CHSY3: variants seen among roughly 807,000 people sequenced by gnomAD.
CHSY3 encodes chondroitin sulfate synthase 3, also known as N-acetylgalactosaminyl-proteoglycan 3-beta-glucuronosyltransferase 3.
In CHSY3, 35 loss-of-function variants were observed where a neutral mutation model predicts 67.2. That is an observed-to-expected ratio of 0.52 (90% CI 0.40 to 0.69). The LOEUF is 0.69. Ranked by LOEUF, CHSY3 falls within the 30% of genes least tolerant of loss-of-function variation. The probability of loss-of-function intolerance (pLI) is 0.00; values close to 1 mark genes in which losing one functional copy is unlikely to be tolerated. For missense variants in CHSY3, 1,069 were observed against 1,138.5 expected, an observed-to-expected ratio of 0.94 and a Z score of 0.88; for synonymous variants, 474 against 434.7, an observed-to-expected ratio of 1.09 and a Z score of -1.12.
intron 2 of CHSY3, among the ~76,000 whole-genome samples, chr5:129,911,048 G>A (rs1425658538): frequency 6.7e-6 from 1 of 149,090 alleles, no homozygotes; most frequent in African/African-American, 2.5e-5. Flanking sequence ...CTGTTAAGGT[G>A]GCATGTTCAT....
intron 2 of CHSY3, among the ~76,000 whole-genome samples, chr5:129,924,461 C>T (rs558828675): frequency 6.6e-6 from 1 of 151,976 alleles, no homozygotes; most frequent in East Asian, 1.9e-4. Context: ...TCCTGGCCAA[C>T]ATGATGAAAC....
chr5:130,139,636 C>G (rs944494945), intron 2 of CHSY3, among the ~76,000 whole-genome samples: 1 of 152,142 alleles, frequency 6.6e-6, no homozygotes, highest in Non-Finnish European at 1.5e-5. Context: ...CAAAACCATA[C>G]AGTTCCACTC....
At chr5:130,112,033 G>C (rs1767606519) in intron 2 of CHSY3, among the ~76,000 whole-genome samples, 1 of 152,016 alleles carries the variant, frequency 6.6e-6, no homozygotes, top group African/African-American at 2.4e-5. Flanking sequence ...TTGATAAGGG[G>C]CTGAGCCTCA....
At chr5:129,967,164 T>G in intron 2 of CHSY3, among the ~76,000 whole-genome samples, 1 of 151,808 alleles carries the variant, frequency 6.6e-6, no homozygotes, top group East Asian at 1.9e-4. Flanking sequence ...TCTCATAGAC[T>G]CTGTAGTTTA....
chr5:130,167,666 C>T (rs1321193171), intron 2 of CHSY3, among the ~76,000 whole-genome samples: 4 of 152,062 alleles, frequency 2.6e-5, no homozygotes, highest in African/African-American at 9.7e-5. Context: ...ATATATAATA[C>T]AATCTTAAAA....
intron 2 of CHSY3, among the ~76,000 whole-genome samples, chr5:130,031,164 A>G (rs1764695141): frequency 6.6e-6 from 1 of 152,030 alleles, no homozygotes; most frequent in African/African-American, 2.4e-5. Flanking sequence ...AGTTAAAAAA[A>G]GATGAAGACT....
intron 2 of CHSY3, among the ~76,000 whole-genome samples, chr5:129,980,762 G>A (rs541056976): frequency 6.6e-6 from 1 of 152,104 alleles, no homozygotes; most frequent in South Asian, 2.1e-4. Context: ...GTTTTACATG[G>A]AATTCTAGGA....
Position 130,152,146 on chromosome 5 carries a change from C to T in CHSY3, c.1087-32083C>T, listed in dbSNP as rs186596134. On this transcript the variant is annotated intron_variant, in intron 2 of 2. Coordinates refer to ENST00000305031, the MANE Select transcript of CHSY3 (RefSeq NM_175856.5). Reference sequence around the variant, plus strand: ...TCTGAAAATCTGCATTTTTGACAAGCACCCCAGCTGCATCTTCACATGAAA... The same window carrying T: ...TCTGAAAATCTGCATTTTTGACAAGTACCCCAGCTGCATCTTCACATGAAA... Among the ~76,000 whole-genome samples, 5 of 152,294 alleles carry T rather than the reference C, an allele frequency of 3.3e-5. No individual in the cohort carries two copies. The East Asian group carries it at 9.7e-4, about 29-fold the overall frequency.
intron 2 of CHSY3, among the ~76,000 whole-genome samples, chr5:129,932,080 A>G (rs1422491444): frequency 3.4e-5 from 5 of 148,188 alleles, no homozygotes; most frequent in African/African-American, 1.2e-4. Context: ...CAATAAAACC[A>G]TATGTAATGT....
At chr5:130,097,775 G>A (rs866008152) in intron 2 of CHSY3, among the ~76,000 whole-genome samples, 2 of 152,272 alleles carry the variant, frequency 1.3e-5, no homozygotes, top group African/African-American at 4.8e-5. Context: ...AGGCCGAGGC[G>A]GGCGGATCAC....
intron 2 of CHSY3, among the ~76,000 whole-genome samples, chr5:130,060,898 A>G (rs1360009411): frequency 6.6e-6 from 1 of 151,930 alleles, no homozygotes; most frequent in Non-Finnish European, 1.5e-5. Flanking sequence ...ACAAACACTG[A>G]TGAAAGAAAT....
intron 2 of CHSY3, among the ~76,000 whole-genome samples, chr5:129,940,398 C>T (rs1444849105): frequency 6.6e-6 from 1 of 151,952 alleles, no homozygotes; most frequent in South Asian, 2.1e-4. Context: ...TAAAGTTTTT[C>T]AAAAGAGTAA....
chr5:130,138,800 A>C (rs760425308), intron 2 of CHSY3, among the ~76,000 whole-genome samples: 2 of 152,216 alleles, frequency 1.3e-5, no homozygotes, highest in Non-Finnish European at 2.9e-5. Flanking sequence ...ATACTGTTCC[A>C]GTAGGTTGGA....
chr5:130,114,794 A>G (rs1045426432), intron 2 of CHSY3, among the ~76,000 whole-genome samples: 3 of 152,118 alleles, frequency 2.0e-5, no homozygotes, highest in African/African-American at 7.2e-5. Flanking sequence ...TCAGTTTAGG[A>G]CGTCATCTGG....
At chr5:130,119,271 T>A (rs1460927398) in intron 2 of CHSY3, among the ~76,000 whole-genome samples, 2 of 152,186 alleles carry the variant, frequency 1.3e-5, no homozygotes, top group East Asian at 3.9e-4. Flanking sequence ...TGCCTTTCTA[T>A]GCAGTTCAGC....
intron 2 of CHSY3, among the ~76,000 whole-genome samples, chr5:129,956,415 C>A (rs1355564100): frequency 6.6e-6 from 1 of 151,884 alleles, no homozygotes; most frequent in South Asian, 2.1e-4. Flanking sequence ...TGGTTTTTCT[C>A]TTATAAATTT....
intron 2 of CHSY3, among the ~76,000 whole-genome samples, chr5:129,938,268 C>T (rs1056488697): frequency 2.6e-5 from 4 of 152,228 alleles, no homozygotes; most frequent in East Asian, 3.9e-4. Context: ...ACCATTCTTC[C>T]GCCCTGGGCC....
chr5:130,186,291 C>A lies in CHSY3; in HGVS notation c.*500C>A, dbSNP rs1403173540. On this transcript the variant is annotated 3_prime_UTR_variant, in exon 3 of 3. Coordinates refer to ENST00000305031, the MANE Select transcript of CHSY3 (RefSeq NM_175856.5). ...TTATACAAGGACTTAAATATATAAA[C>A]AATAATTTTCTTCATCTTTAGAATT... 1 of 152,448 alleles carries A rather than the reference C, an allele frequency of 6.6e-6. No individual in the cohort carries two copies. The highest frequency in any genetic ancestry group is 6.6e-5 in the Admixed American group (1 of 15,256). 9.4% of individuals were successfully genotyped at this position (152,448 alleles called of 1,614,324 possible).
chr5:130,119,673 C>A (rs777744534), intron 2 of CHSY3, among the ~76,000 whole-genome samples: 2 of 151,966 alleles, frequency 1.3e-5, no homozygotes, highest in African/African-American at 4.8e-5. Flanking sequence ...TTCCCAAATT[C>A]GAAAACTCCA....
Sources: allele counts gnomAD v4.1 joint callset (sites outside exome capture counted in the v4.1 genomes callset), GRCh38; gene constraint gnomAD v4.1.1; transcripts MANE v1.5; gene names NCBI Gene and HGNC (gene_info 2026-07-23, HGNC 2026-07-21).